OGFOD3: variants seen among roughly 807,000 people sequenced by gnomAD.
OGFOD3 encodes the protein 2-oxoglutarate and iron dependent oxygenase domain containing 3.
In OGFOD3, 35 loss-of-function variants were observed where a neutral mutation model predicts 39.8. That is an observed-to-expected ratio of 0.88 (90% CI 0.67 to 1.17). The LOEUF (loss-of-function observed/expected upper bound fraction) is 1.17, where lower values mean the gene tolerates loss of function less well. Ranked by LOEUF, OGFOD3 falls within the 50% of genes most tolerant of loss-of-function variation. The probability of loss-of-function intolerance (pLI) is 0.00; values close to 1 mark genes in which losing one functional copy is unlikely to be tolerated. For synonymous variants in OGFOD3, 200 were observed against 192.0 expected, an observed-to-expected ratio of 1.04 and a Z score of -0.34; for missense variants, 438 against 454.5, an observed-to-expected ratio of 0.96 and a Z score of 0.33.
At position 82,392,326 on chromosome 17, in the gene OGFOD3, G is replaced by T; in HGVS notation, c.*72C>A. 1.3e-6 allele frequency: 2 copies of T among 1,521,198 alleles called. No individual in the cohort carries two copies. Among genetic ancestry groups the T allele is most frequent in the Admixed American group, 2.0e-5 (1 of 49,948 alleles). 94.2% of individuals were successfully genotyped at this position (1,521,198 alleles called of 1,614,324 possible). A position where few individuals can be genotyped will look rare whatever the true frequency, so the allele number is the denominator to read the frequency against. On this transcript the variant is annotated 3_prime_UTR_variant, in exon 9 of 9. Coordinates refer to ENST00000313056, the MANE Select transcript of OGFOD3 (RefSeq NM_024648.3). This position sits in a 1 kb window ranked among gnomAD's most constrained non-coding sequence, Gnocchi z 4.2. ...CTGTGCAACAGGAGCGGGTGGACGTGGGGGTGGGTGCACGACTGGCGCGGC... is the reference window on the plus strand; with the variant it reads ...CTGTGCAACAGGAGCGGGTGGACGTTGGGGTGGGTGCACGACTGGCGCGGC...
Position 82,392,770 on chromosome 17 carries a change from C to T in OGFOD3, c.824-236G>A. On this transcript the variant is annotated intron_variant, in intron 8 of 8. Transcript: ENST00000313056. This position sits in a 1 kb window ranked among gnomAD's most constrained non-coding sequence, Gnocchi z 4.2. ...AGGGGCCCCCCGGGGCCAGCAGGGACTCTGTGGTGGGCAGGACAGAGGAAG... is the reference window on the plus strand; with the variant it reads ...AGGGGCCCCCCGGGGCCAGCAGGGATTCTGTGGTGGGCAGGACAGAGGAAG... The T allele has an allele frequency of 1.8e-6, 1 of 569,720 alleles. No individual in the cohort carries two copies. 35.3% of individuals were successfully genotyped at this position (569,720 alleles called of 1,614,324 possible).
At position 82,406,515 on chromosome 17, in the gene OGFOD3, C is replaced by G. The variant is rs747714742; in HGVS notation, c.424-33G>C. ...AGACGTTGTGGAGTAAAGCGTGCAG[C>G]CGCAGCAATGGCAATGGCTGTTAAA... is the stretch of plus-strand genomic sequence containing the variant. On this transcript the variant is annotated intron_variant, in intron 4 of 8. Transcript: ENST00000313056. This position sits in a 1 kb window ranked among gnomAD's most constrained non-coding sequence, Gnocchi z 5.2. 17 of 1,588,864 alleles carry G rather than the reference C, an allele frequency of 1.1e-5. No individual in the cohort carries two copies. The highest frequency in any genetic ancestry group is 1.7e-5 in the Admixed American group (1 of 59,958).
intron 8 of OGFOD3, among the ~76,000 whole-genome samples, chr17:82,395,284 G>A (rs960864822): frequency 6.6e-6 from 1 of 152,116 alleles, no homozygotes; most frequent in Non-Finnish European, 1.5e-5. Flanking sequence ...TGCCTGCCTC[G>A]GCCTTGCAAG....
At chr17:82,409,646 C>T (rs1221181154) in intron 3 of OGFOD3, among the ~76,000 whole-genome samples, 3 of 152,204 alleles carry the variant, frequency 2.0e-5, no homozygotes, top group Non-Finnish European at 2.9e-5. Flanking sequence ...GACTGGGCTT[C>T]AGCACCTTGG....
Position 82,392,269 on chromosome 17 carries a change from G to T in OGFOD3, c.*129C>A. The T allele has an allele frequency of 2.0e-6, 2 of 1,021,878 alleles. No homozygotes were observed. The highest frequency in any genetic ancestry group is 2.8e-6 in the Non-Finnish European group (2 of 709,370). The allele number at this position is 1,021,878 out of a possible 1,614,324, so 63.3% of individuals were successfully genotyped here. A position where few individuals can be genotyped will look rare whatever the true frequency, so the allele number is the denominator to read the frequency against. On this transcript the variant is annotated 3_prime_UTR_variant, in exon 9 of 9. Coordinates refer to ENST00000313056, the MANE Select transcript of OGFOD3 (RefSeq NM_024648.3). This position sits in a 1 kb window ranked among gnomAD's most constrained non-coding sequence, Gnocchi z 4.2. The stretch of plus-strand genomic sequence containing the variant: ...CACAGATGAAAAGATTAACACGTCA[G>T]CAAATCAAAATCAGAGAATTCCTAA...
At chr17:82,403,836 T>C (rs370213311) in intron 7 of OGFOD3, 101 bp downstream of exon 7, 14,788 of 1,453,826 alleles carry the variant, frequency 0.01, 134 homozygotes, top group Non-Finnish European at 0.011. Context: ...GCTCACCTTG[T>C]CCACGAGCGC....
intron 7 of OGFOD3, chr17:82,400,691 C>T (rs1286899868): frequency 6.6e-6 from 1 of 152,114 alleles, no homozygotes; most frequent in Admixed American, 6.5e-5. Flanking sequence ...GGATGCATTA[C>T]TTATTCAAAT....
intron 3 of OGFOD3, among the ~76,000 whole-genome samples, chr17:82,410,863 AGTG>A (rs1303396500): frequency 7.1e-6 from 1 of 141,684 alleles, no homozygotes; most frequent in African/African-American, 2.6e-5. Flanking sequence ...GGATTACAGG[AGTG>A]TGCCATCACA....
rs1312033907 is a variant in OGFOD3, at chr17:82,392,501, T to C, written c.857A>G (p.Asn286Ser). 6.2e-7 allele frequency: 1 copy of C among 1,602,104 alleles called. No homozygotes were observed. The change falls in exon 9 of 9, where the codon AAC becomes AGC. Residue 286 changes from asparagine (N) to serine (S), a missense_variant. Asn to Ser is a conservative substitution (Grantham distance 46). Coordinates refer to ENST00000313056, the MANE Select transcript of OGFOD3 (RefSeq NM_024648.3). The surrounding 1 kb of genome is among the most constrained non-coding windows in gnomAD (Gnocchi z 4.2). ...RVSFFTSGSE[N>S]LHRVEKVHWG... ...GTGGACCTTCTCCACGCGGTGTAGG[T>C]TCTCGGACCCCGAGGTGAAGAAGGA... is the stretch of plus-strand genomic sequence containing the variant.
At chr17:82,399,793 C>T (rs865973595) in intron 7 of OGFOD3, among the ~76,000 whole-genome samples, 3 of 152,160 alleles carry the variant, frequency 2.0e-5, no homozygotes, top group South Asian at 2.1e-4. Context: ...GCTGGGGCCA[C>T]GCCCTGGGGG....
chr17:82,411,869 G>A (rs2052949208), intron 2 of OGFOD3, among the ~76,000 whole-genome samples: 3 of 152,198 alleles, frequency 2.0e-5, no homozygotes, highest in Non-Finnish European at 4.4e-5. Flanking sequence ...GGCACCGTCA[G>A]AAAACCCTTC....
At position 82,390,687 on chromosome 17, in the gene OGFOD3, G is replaced by A. The variant is rs960705453; in HGVS notation, c.*1711C>T. 1.0e-5 allele frequency: 2 copies of A among 199,820 alleles called. No individual in the cohort carries two copies. Among genetic ancestry groups the A allele is most frequent in the African/African-American group, 4.8e-5 (2 of 41,692 alleles). 12.4% of individuals were successfully genotyped at this position (199,820 alleles called of 1,614,324 possible). ...GGCCCGTGGTGCAGGAGGGGCCCTG[G>A]GCAAACCAAGGTGCGGCCCCCAAGT... On this transcript the variant is annotated 3_prime_UTR_variant, in exon 9 of 9. Transcript: ENST00000313056. The surrounding 1 kb of genome is among the most constrained non-coding windows in gnomAD (Gnocchi z 4.9).
intron 4 of OGFOD3, among the ~76,000 whole-genome samples, 177 bp downstream of exon 4, chr17:82,409,191 G>A (rs890878889): frequency 6.6e-6 from 1 of 152,210 alleles, no homozygotes; most frequent in East Asian, 1.9e-4. Flanking sequence ...AGGGGACGCC[G>A]CACGGGTTTC....
chr17:82,402,466 G>C (rs1381546048), intron 7 of OGFOD3, among the ~76,000 whole-genome samples: 1 of 151,814 alleles, frequency 6.6e-6, no homozygotes, highest in Non-Finnish European at 1.5e-5. Context: ...GAAAGAAAAG[G>C]CTGGGCATGG....
At position 82,404,123 on chromosome 17, in the gene OGFOD3, C is replaced by T. The variant is rs2052814212; in HGVS notation, c.546-33G>A. The T allele has an allele frequency of 1.5e-5, 23 of 1,540,460 alleles. No individual in the cohort carries two copies. Among genetic ancestry groups the T allele is most frequent in the Non-Finnish European group, 2.0e-5 (23 of 1,139,804 alleles). On this transcript the variant is annotated intron_variant, in intron 6 of 8. Coordinates refer to ENST00000313056, the MANE Select transcript of OGFOD3 (RefSeq NM_024648.3). This position sits in a 1 kb window ranked among gnomAD's most constrained non-coding sequence, Gnocchi z 4.5. ...GGACACAATAGCCGTCAGCGCAGCC[C>T]CAGGCGGGAGGGGACGCTCGTGGGT...
In OGFOD3 at chr17:82,407,265, CAA is replaced by C. The variant is rs35103178; in HGVS notation, c.424-785_424-784del. On this transcript the variant is annotated intron_variant, in intron 4 of 8. Transcript: ENST00000313056. Reference sequence around the variant, plus strand: ...GGGCTACAAGAGCGAAACTCCATCTCAAAAAAAAAAAAAAATCTTCCTGGACC... The same window carrying C: ...GGGCTACAAGAGCGAAACTCCATCTCAAAAAAAAAAAAATCTTCCTGGACC... Among the ~76,000 whole-genome samples, 46 of 139,020 alleles carry C rather than the reference CAA, an allele frequency of 3.3e-4. No individual in the cohort carries two copies. The South Asian group carries it at 3.8e-3, about 12-fold the overall frequency. 91.2% of individuals were successfully genotyped at this position (139,020 alleles called of 152,430 possible).
Position 82,392,727 on chromosome 17 carries a change from G to C in OGFOD3, c.824-193C>G, listed in dbSNP as rs950327902. 2.9e-6 allele frequency: 2 copies of C among 694,346 alleles called. No individual in the cohort carries two copies. Among genetic ancestry groups the C allele is most frequent in the East Asian group, 5.6e-5 (2 of 35,562 alleles). 43.0% of individuals were successfully genotyped at this position (694,346 alleles called of 1,614,324 possible). A position where few individuals can be genotyped will look rare whatever the true frequency, so the allele number is the denominator to read the frequency against. ...GGAGAAACAAACGCAGCAATGCTCAGGGGCCCTGTGGCGGAGGAGGGGCCC... is the reference window on the plus strand; with the variant it reads ...GGAGAAACAAACGCAGCAATGCTCACGGGCCCTGTGGCGGAGGAGGGGCCC... On this transcript the variant is annotated intron_variant, in intron 8 of 8. Transcript: ENST00000313056. This position sits in a 1 kb window ranked among gnomAD's most constrained non-coding sequence, Gnocchi z 4.2.
chr17:82,398,073 A>C (rs2052704865), intron 8 of OGFOD3, 123 bp downstream of exon 8: 1 of 1,256,816 alleles, frequency 8.0e-7, no homozygotes, highest in African/African-American at 1.5e-5. Context: ...ATCACTCAGC[A>C]CCGGCCCGGC....
At position 82,406,342 on chromosome 17, in the gene OGFOD3, A is replaced by G; in HGVS notation, c.488+76T>C. The G allele has an allele frequency of 1.5e-6, 2 of 1,345,780 alleles. No homozygotes were observed. The highest frequency in any genetic ancestry group is 2.3e-5 in the East Asian group (1 of 43,416). The allele number at this position is 1,345,780 out of a possible 1,614,324, so 83.4% of individuals were successfully genotyped here. ...CTCCCTCACATGTCCACGTGTCCAC[A>G]TGTCCATGGCTAAGAGGCACGGAGC... On this transcript the variant is annotated intron_variant, in intron 5 of 8. Coordinates refer to ENST00000313056, the MANE Select transcript of OGFOD3 (RefSeq NM_024648.3). This position sits in a 1 kb window ranked among gnomAD's most constrained non-coding sequence, Gnocchi z 5.2.
Sources: gnomAD v4.1 joint callset for allele counts (sites outside exome capture counted in the v4.1 genomes callset) on GRCh38, gnomAD v4.1.1 for gene constraint, Gnocchi (gnomAD v3.1) non-coding constraint, MANE v1.5 for transcripts, NCBI Gene and HGNC (gene_info 2026-07-23, HGNC 2026-07-21) for gene names.